NTM: variants seen among roughly 807,000 people sequenced by gnomAD.
The protein encoded by NTM is IgLON family member 2.
NTM carries 13 observed loss-of-function variants against 42.1 expected under a neutral mutation model. That is an observed-to-expected ratio of 0.31 (90% CI 0.20 to 0.49). The LOEUF (loss-of-function observed/expected upper bound fraction) is 0.49. Among genes scored for constraint, NTM ranks in the 20% least tolerant of loss-of-function variants. The pLI is 0.99. For missense variants in NTM, 373 were observed against 452.8 expected (o/e 0.82, Z 1.60); for synonymous variants, 187 against 179.2 (o/e 1.04, Z -0.35).
chr11:131,782,011 G>C (rs937671288), intron 1 of NTM, among the ~76,000 whole-genome samples: 1 of 152,174 alleles, frequency 6.6e-6, no homozygotes, highest in Non-Finnish European at 1.5e-5. Flanking sequence ...TTCATTAATG[G>C]TTTATTTGAG....
chr11:131,501,267 G>C (rs2046793479), intron 1 of NTM, among the ~76,000 whole-genome samples: 1 of 152,166 alleles, frequency 6.6e-6, no homozygotes, highest in African/African-American at 2.4e-5. Context: ...GAATGTAAAG[G>C]CAGGAGGGGC....
intron 1 of NTM, among the ~76,000 whole-genome samples, chr11:131,854,508 CAGA>C (rs1201773161): frequency 6.6e-6 from 1 of 152,130 alleles, no homozygotes. Context: ...CTGCAAAAAG[CAGA>C]AGGAAATGTA....
chr11:132,230,741 A>G (rs1007038398), intron 4 of NTM, among the ~76,000 whole-genome samples: 1 of 152,204 alleles, frequency 6.6e-6, no homozygotes, highest in Non-Finnish European at 1.5e-5. Context: ...ACAAATGCTC[A>G]GGATTGGTGT....
At chr11:132,006,946 A>G (rs536597718) in intron 2 of NTM, among the ~76,000 whole-genome samples, 1 of 152,326 alleles carries the variant, frequency 6.6e-6, no homozygotes, top group Non-Finnish European at 1.5e-5. Context: ...GCAGCTACAA[A>G]TGACGTGTGT....
At chr11:131,671,721 A>G in intron 1 of NTM, 1 of 570,660 alleles carries the variant, frequency 1.8e-6, no homozygotes, top group Non-Finnish European at 2.2e-6. Flanking sequence ...CAAAGCGCCC[A>G]TCGACAGTGG....
chr11:132,186,947 T>G (rs2078501106), intron 3 of NTM, among the ~76,000 whole-genome samples: 1 of 151,996 alleles, frequency 6.6e-6, no homozygotes, highest in African/African-American at 2.4e-5. Flanking sequence ...TCAGAGGGGG[T>G]TTGTGGCAGC....
intron 1 of NTM, 164 bp from the exon 2 acceptor site, chr11:131,911,400 G>A: frequency 6.3e-7 from 1 of 1,595,466 alleles, no homozygotes; most frequent in Non-Finnish European, 8.6e-7. Flanking sequence ...CGCTCGCTCC[G>A]CACCCCACCC....
intron 1 of NTM, among the ~76,000 whole-genome samples, chr11:131,881,082 G>T (rs563233923): frequency 5.3e-5 from 8 of 152,100 alleles, no homozygotes; most frequent in Non-Finnish European, 1.0e-4. Flanking sequence ...TTCCCCCATG[G>T]TCTGCTTTCC....
At chr11:131,929,461 T>TTA (rs1555180816) in intron 2 of NTM, among the ~76,000 whole-genome samples, 4 of 151,618 alleles carry the variant, frequency 2.6e-5, no homozygotes, top group African/African-American at 7.3e-5. Flanking sequence ...TTTTTTTTTT[T>TTA]AATTTTTTAT....
chr11:131,934,272 C>T (rs755285903), intron 2 of NTM, among the ~76,000 whole-genome samples: 6 of 152,026 alleles, frequency 3.9e-5, no homozygotes, highest in Non-Finnish European at 5.9e-5. Flanking sequence ...TTCCCTAGAG[C>T]GTATCACAGA....
intron 4 of NTM, among the ~76,000 whole-genome samples, chr11:132,227,646 A>G (rs2086603460): frequency 1.3e-5 from 2 of 152,142 alleles, no homozygotes; most frequent in Non-Finnish European, 2.9e-5. Flanking sequence ...CTGCTTTTTG[A>G]GCAATCTATA....
At chr11:132,097,696 C>CTGGAA (rs1255547928) in intron 2 of NTM, among the ~76,000 whole-genome samples, 1 of 152,202 alleles carries the variant, frequency 6.6e-6, no homozygotes, top group Non-Finnish European at 1.5e-5. Context: ...AACATAGAGC[C>CTGGAA]TGGAAGGTAG....
chr11:132,044,486 C>T (rs2077703289), intron 2 of NTM, among the ~76,000 whole-genome samples: 1 of 151,982 alleles, frequency 6.6e-6, no homozygotes, highest in South Asian at 2.1e-4. Context: ...GAGGAGGACC[C>T]CTCTTCTGAA....
In NTM at chr11:131,467,982, A is replaced by G. The variant is rs544309954; in HGVS notation, c.82+97094A>G. ...AAGAAGATTCTAACACATCGTGGGC[A>G]TCCGAAACGTTCCAAAACTTCTTGA... On this transcript the variant is annotated intron_variant, in intron 1 of 8. Transcript: ENST00000683400. 1.1e-4 allele frequency among the ~76,000 whole-genome samples: 16 copies of G among 152,358 alleles called. No individual in the cohort carries two copies. The East Asian group carries it at 2.7e-3, about 26-fold the overall frequency.
intron 2 of NTM, among the ~76,000 whole-genome samples, chr11:131,978,092 G>A (rs774882107): frequency 1.2e-4 from 19 of 152,136 alleles, no homozygotes; most frequent in Non-Finnish European, 2.1e-4. Flanking sequence ...GAGCTGAGCT[G>A]TACCTTCTGG....
chr11:131,508,776 A>G (rs1333677911), intron 1 of NTM, among the ~76,000 whole-genome samples: 1 of 139,136 alleles, frequency 7.2e-6, no homozygotes, highest in Non-Finnish European at 1.6e-5. Context: ...TCAGTAAACT[A>G]TCGCAAGAAC....
chr11:131,853,047 A>G (rs1221389820), intron 1 of NTM, among the ~76,000 whole-genome samples: 1 of 151,956 alleles, frequency 6.6e-6, no homozygotes, highest in African/African-American at 2.4e-5. Flanking sequence ...CCATCCATCC[A>G]TGCATCCATT....
chr11:132,225,212 C>T lies in NTM; in HGVS notation c.526+13065C>T, dbSNP rs115380783. On this transcript the variant is annotated intron_variant, in intron 4 of 8. Transcript: ENST00000683400. ...GCTGCAGATTGCATGGTGAATTCAG[C>T]CTTTGCCTCATCGGGCTGCAGTATG... 8.5e-3 allele frequency among the ~76,000 whole-genome samples: 1,299 copies of T among 152,134 alleles called. 12 individuals are homozygous for T. The highest frequency in any genetic ancestry group is 0.03 in the African/African-American group (1,226 of 41,476).
chr11:132,085,075 C>A (rs1408025060), intron 2 of NTM, among the ~76,000 whole-genome samples: 2 of 152,112 alleles, frequency 1.3e-5, no homozygotes, highest in Non-Finnish European at 2.9e-5. Flanking sequence ...ATTTTGTTTG[C>A]AAGATTAATT....
Sources: allele counts gnomAD v4.1 joint callset (sites outside exome capture counted in the v4.1 genomes callset), GRCh38; gene constraint gnomAD v4.1.1; transcripts MANE v1.5; gene names NCBI Gene and HGNC (gene_info 2026-07-23, HGNC 2026-07-21).